SPOPL: variants seen among roughly 807,000 people sequenced by gnomAD.
SPOPL encodes the protein speckle-type POZ protein-like.
A neutral mutation model predicts 53.8 loss-of-function variants in SPOPL; 23 were observed. That is an observed-to-expected ratio of 0.43 (90% CI 0.31 to 0.61). SPOPL has a LOEUF of 0.61. Ranked by LOEUF, SPOPL falls within the 20% of genes least tolerant of loss-of-function variation. SPOPL has a pLI of 0.12. For missense variants in SPOPL, 442 were observed against 466.9 expected, an observed-to-expected ratio of 0.95 and a Z score of 0.49; for synonymous variants, 164 against 149.7, an observed-to-expected ratio of 1.10 and a Z score of -0.70.
At position 138,565,343 on chromosome 2, in the gene SPOPL, C is replaced by T. The variant is rs146926099; in HGVS notation, c.1034+350C>T. Among the ~76,000 whole-genome samples the T allele has an allele frequency of 2.2e-3, 342 of 152,292 alleles. 3 individuals are homozygous for T. Among genetic ancestry groups the T allele is most frequent in the African/African-American group, 7.8e-3 (324 of 41,572 alleles). ...TACTCCTATGAGGAATGTTACCCTCCAGATTTGCTGAGAAAGCCTTTACAT... is the reference window on the plus strand; with the variant it reads ...TACTCCTATGAGGAATGTTACCCTCTAGATTTGCTGAGAAAGCCTTTACAT... On this transcript the variant is annotated intron_variant, in intron 10 of 10. Coordinates refer to ENST00000280098, the MANE Select transcript of SPOPL (RefSeq NM_001001664.3).
intron 1 of SPOPL, among the ~76,000 whole-genome samples, chr2:138,539,678 C>A (rs28796938): frequency 0.1 from 15,501 of 151,924 alleles, 958 homozygotes; most frequent in East Asian, 0.26. Context: ...AGATTGCAAA[C>A]ATTTTCTCCC....
At chr2:138,526,954 G>T (rs1684689569) in intron 1 of SPOPL, among the ~76,000 whole-genome samples, 1 of 152,088 alleles carries the variant, frequency 6.6e-6, no homozygotes, top group Admixed American at 6.5e-5. Context: ...TCAAACACCT[G>T]ACCTCAAGTG....
chr2:138,517,210 G>GGATTATA (rs1684457456), intron 1 of SPOPL, among the ~76,000 whole-genome samples: 1 of 152,158 alleles, frequency 6.6e-6, no homozygotes. Context: ...GGTTCTTGAT[G>GGATTATA]GATTATAGAG....
At chr2:138,502,672 A>G (rs1414173311) in intron 1 of SPOPL, among the ~76,000 whole-genome samples, 1 of 151,864 alleles carries the variant, frequency 6.6e-6, no homozygotes. Context: ...CCTCTCTTTA[A>G]CCTGCTTTCT....
chr2:138,563,740 T>TA (rs1319798628), intron 8 of SPOPL, among the ~76,000 whole-genome samples: 1 of 152,172 alleles, frequency 6.6e-6, no homozygotes, highest in African/African-American at 2.4e-5. Context: ...AACATAAACT[T>TA]ACACTGTGAT....
chr2:138,508,501 T>C lies in SPOPL; in HGVS notation c.-61+6382T>C, dbSNP rs1380224821. The stretch of plus-strand genomic sequence containing the variant: ...CACAGCCACCATGCCCAGCTAACTT[T>C]TGTATTTTTAGTAGAGATGGGGTTT... On this transcript the variant is annotated intron_variant, in intron 1 of 10. Transcript: ENST00000280098. Among the ~76,000 whole-genome samples the C allele has an allele frequency of 3.9e-5, 6 of 152,200 alleles. No homozygotes were observed. In the East Asian group the frequency reaches 1.2e-3, roughly 29 times the overall value.
chr2:138,506,460 G>A (rs1274034282), intron 1 of SPOPL, among the ~76,000 whole-genome samples: 3 of 152,202 alleles, frequency 2.0e-5, no homozygotes, highest in African/African-American at 4.8e-5. Flanking sequence ...AGAGTTGGTG[G>A]AACCTTGGTT....
chr2:138,517,410 G>A (rs1219530406), intron 1 of SPOPL, among the ~76,000 whole-genome samples: 2 of 152,034 alleles, frequency 1.3e-5, no homozygotes, highest in African/African-American at 4.8e-5. Flanking sequence ...ATTAATTTTG[G>A]GGCAAGATGG....
At chr2:138,538,629 A>C (rs553038016) in intron 1 of SPOPL, among the ~76,000 whole-genome samples, 1 of 152,034 alleles carries the variant, frequency 6.6e-6, no homozygotes, top group South Asian at 2.1e-4. Context: ...CACATTGCCT[A>C]TCTGTTGGAT....
rs541113011 is a variant in SPOPL at position 138,555,524 on chromosome 2, G to A, written c.480+2843G>A. On this transcript the variant is annotated intron_variant, in intron 5 of 10. Coordinates refer to ENST00000280098, the MANE Select transcript of SPOPL (RefSeq NM_001001664.3). ...AAGTCTAAAACTCGCTATTCTGGAA[G>A]ATATTCATGTGAAATTCGACTGTTA... Among the ~76,000 whole-genome samples the A allele has an allele frequency of 4.3e-3, 658 of 152,198 alleles. 3 individuals are homozygous for A. The highest frequency in any genetic ancestry group is 0.015 in the African/African-American group (623 of 41,536).
At chr2:138,560,322 T>A (rs1685516198) in intron 7 of SPOPL, among the ~76,000 whole-genome samples, 1 of 152,174 alleles carries the variant, frequency 6.6e-6, no homozygotes, top group Admixed American at 6.5e-5. Context: ...TTACAGGATC[T>A]TAGGTGTTGT....
At chr2:138,545,039 T>C (rs897074692) in intron 1 of SPOPL, among the ~76,000 whole-genome samples, 3 of 152,222 alleles carry the variant, frequency 2.0e-5, no homozygotes, top group Admixed American at 2.0e-4. Flanking sequence ...ATTCCTTCTC[T>C]AGGTGGCTAT....
At chr2:138,524,072 T>C (rs965041208) in intron 1 of SPOPL, among the ~76,000 whole-genome samples, 7 of 152,168 alleles carry the variant, frequency 4.6e-5, no homozygotes, top group Non-Finnish European at 1.0e-4. Context: ...GCAGCAAACT[T>C]TTGCCTGGGC....
chr2:138,525,175 G>T (rs1684642759), intron 1 of SPOPL, among the ~76,000 whole-genome samples: 1 of 152,202 alleles, frequency 6.6e-6, no homozygotes, highest in South Asian at 2.1e-4. Context: ...ATGGCAGAAG[G>T]CAAAAGGCAT....
chr2:138,504,535 G>A (rs1268253080), intron 1 of SPOPL, among the ~76,000 whole-genome samples: 1 of 152,164 alleles, frequency 6.6e-6, no homozygotes, highest in African/African-American at 2.4e-5. Flanking sequence ...GCCTGGCACT[G>A]TTTCTTAGTT....
At chr2:138,568,371 G>A (rs1347684623) in intron 10 of SPOPL, among the ~76,000 whole-genome samples, 1 of 152,096 alleles carries the variant, frequency 6.6e-6, no homozygotes, top group East Asian at 1.9e-4. Flanking sequence ...AGAATTTGGG[G>A]TTGGGGAGAG....
chr2:138,555,131 G>GGTT (rs1553471471), intron 5 of SPOPL, among the ~76,000 whole-genome samples: 1 of 140,090 alleles, frequency 7.1e-6, no homozygotes, highest in East Asian at 2.1e-4. Context: ...AGGGTAGGAG[G>GGTT]GTGTGTGTGT....
At position 138,564,698 on chromosome 2, in the gene SPOPL, T is replaced by C. The variant is rs1685621533; in HGVS notation, c.838-10T>C. On this transcript the variant is annotated splice_polypyrimidine_tract_variant and intron_variant, in intron 8 of 10. Coordinates refer to ENST00000280098, the MANE Select transcript of SPOPL (RefSeq NM_001001664.3). ...TAAATGTTTAATGGTTATGTTTTCA[T>C]TTTGGATAGTATGCACTGGAACGGC... 1 of 1,613,410 alleles carries C rather than the reference T, an allele frequency of 6.2e-7. No individual in the cohort carries two copies. The highest frequency in any genetic ancestry group is 1.7e-5 in the Admixed American group (1 of 59,876).
chr2:138,547,302 T>C (rs1685217040), intron 1 of SPOPL, among the ~76,000 whole-genome samples: 1 of 152,208 alleles, frequency 6.6e-6, no homozygotes, highest in African/African-American at 2.4e-5. Context: ...ATTTGAAGTG[T>C]ATATGAAGTA....
Sources: allele counts gnomAD v4.1 joint callset (sites outside exome capture counted in the v4.1 genomes callset), GRCh38; gene constraint gnomAD v4.1.1; transcripts MANE v1.5; gene names NCBI Gene and HGNC (gene_info 2026-07-23, HGNC 2026-07-21).